Variants in RSPRY1 observed in about 807,000 individuals in gnomAD.
RSPRY1 encodes RING finger and SPRY domain-containing protein 1.
RSPRY1 carries 23 observed loss-of-function variants against 73.1 expected under a neutral mutation model. The observed-to-expected ratio is 0.31, with a 90% CI of 0.23 to 0.45. The LOEUF (loss-of-function observed/expected upper bound fraction) is 0.45, where lower values mean the gene tolerates loss of function less well. Ranked by LOEUF, RSPRY1 falls within the 20% of genes least tolerant of loss-of-function variation. RSPRY1 has a pLI of 1.00. For synonymous variants in RSPRY1, 226 were observed against 251.4 expected, an observed-to-expected ratio of 0.90 and a Z score of 0.95; for missense variants, 448 against 698.7, an observed-to-expected ratio of 0.64 and a Z score of 4.05.
intron 13 of RSPRY1, among the ~76,000 whole-genome samples, chr16:57,231,735 T>A (rs1384319551): frequency 6.6e-6 from 1 of 151,738 alleles, no homozygotes; most frequent in Non-Finnish European, 1.5e-5. Flanking sequence ...GTCAAAATCC[T>A]AAATATTAGG....
intron 1 of RSPRY1, among the ~76,000 whole-genome samples, chr16:57,204,037 ATTATT>A (rs1313650331): frequency 2.4e-4 from 37 of 152,336 alleles, no homozygotes; most frequent in Admixed American, 2.0e-3. Flanking sequence ...AACGTCTGTA[ATTATT>A]TTATTTAAAA....
rs1001189925 is a variant in RSPRY1, at chr16:57,204,511, A to T, written c.-148A>T. On this transcript the variant is annotated 5_prime_UTR_variant, in exon 2 of 15. Transcript: ENST00000394420. Reference sequence around the variant, plus strand: ...TTTCTCATTTTCTTTTAGAACTGCCATTGGATGTCCAGAATCCCCTGTAGT... The same window carrying T: ...TTTCTCATTTTCTTTTAGAACTGCCTTTGGATGTCCAGAATCCCCTGTAGT... 4 of 696,076 alleles carry T rather than the reference A, an allele frequency of 5.7e-6. No individual in the cohort carries two copies. Among genetic ancestry groups the T allele is most frequent in the Non-Finnish European group, 9.9e-6 (4 of 405,262 alleles). 43.1% of individuals were successfully genotyped at this position (696,076 alleles called of 1,614,324 possible).
At chr16:57,216,547 A>G (rs547838706) in intron 7 of RSPRY1, 9 of 322,894 alleles carry the variant, frequency 2.8e-5, no homozygotes, top group Admixed American at 9.0e-5. Context: ...GCAAGACTCA[A>G]TCTCTACAAA....
intron 11 of RSPRY1, among the ~76,000 whole-genome samples, 183 bp downstream of exon 11, chr16:57,227,636 G>T (rs1318516130): frequency 6.6e-6 from 1 of 152,226 alleles, no homozygotes; most frequent in African/African-American, 2.4e-5. Flanking sequence ...CTCTGGTGGA[G>T]TTCTTCCTGT....
intron 1 of RSPRY1, among the ~76,000 whole-genome samples, chr16:57,190,778 G>A (rs1447344077): frequency 2.0e-5 from 3 of 152,208 alleles, no homozygotes; most frequent in Admixed American, 6.5e-5. Context: ...CAACCTTTGT[G>A]AGTAGAGAAA....
At chr16:57,218,799 G>A (rs1248352260) in intron 8 of RSPRY1, among the ~76,000 whole-genome samples, 2 of 95,632 alleles carry the variant, frequency 2.1e-5, no homozygotes, top group Non-Finnish European at 3.7e-5. Context: ...GCAGTGGCGG[G>A]ATCTCGGCTC....
At chr16:57,208,817 T>A (rs1169261983) in intron 3 of RSPRY1, among the ~76,000 whole-genome samples, 1 of 152,210 alleles carries the variant, frequency 6.6e-6, no homozygotes, top group Non-Finnish European at 1.5e-5. Flanking sequence ...TTAAAACTAT[T>A]TTAATGTGAG....
intron 1 of RSPRY1, among the ~76,000 whole-genome samples, chr16:57,199,913 C>CTTTTT (rs1315067392): frequency 2.8e-5 from 2 of 72,180 alleles, no homozygotes; most frequent in Admixed American, 1.5e-4. Flanking sequence ...TTTTCTTTTT[C>CTTTTT]TTTTTTTTTT....
intron 1 of RSPRY1, among the ~76,000 whole-genome samples, chr16:57,200,571 G>A (rs571914194): frequency 5.3e-5 from 8 of 150,658 alleles, no homozygotes; most frequent in African/African-American, 1.9e-4. Flanking sequence ...GGGGCGGCTG[G>A]CCGGGCAGAG....
At chr16:57,214,898 A>G (rs1363803662) in intron 6 of RSPRY1, among the ~76,000 whole-genome samples, 2 of 152,156 alleles carry the variant, frequency 1.3e-5, no homozygotes, top group Non-Finnish European at 2.9e-5. Flanking sequence ...GCATGGTGGC[A>G]TGTGTGTGTA....
intron 1 of RSPRY1, among the ~76,000 whole-genome samples, chr16:57,197,285 A>G (rs2074466565): frequency 6.6e-6 from 1 of 152,222 alleles, no homozygotes; most frequent in African/African-American, 2.4e-5. Context: ...AGTGCCAGAT[A>G]AATCTGAAAG....
intron 2 of RSPRY1, among the ~76,000 whole-genome samples, chr16:57,205,538 G>A (rs1373822186): frequency 6.6e-6 from 1 of 152,152 alleles, no homozygotes; most frequent in African/African-American, 2.4e-5. Flanking sequence ...ATACTGCAAG[G>A]CACACCTGTA....
chr16:57,194,096 A>G (rs17373185), intron 1 of RSPRY1, among the ~76,000 whole-genome samples: 3,325 of 152,324 alleles, frequency 0.022, 51 homozygotes, highest in Admixed American at 0.034. Flanking sequence ...ATTTCAGTGT[A>G]TGTAAATTCG....
chr16:57,213,750 C>T, intron 5 of RSPRY1, 138 bp from the exon 6 acceptor site: 1 of 697,712 alleles, frequency 1.4e-6, no homozygotes, highest in Non-Finnish European at 2.5e-6. Flanking sequence ...GGAGCTAGTA[C>T]TATTTTCTAC....
intron 1 of RSPRY1, among the ~76,000 whole-genome samples, chr16:57,194,061 GT>G (rs1382754873): frequency 6.7e-6 from 1 of 149,608 alleles, no homozygotes; most frequent in African/African-American, 2.5e-5. Context: ...ATGAGATTCC[GT>G]TTAAAAAAAA....
intron 1 of RSPRY1, among the ~76,000 whole-genome samples, chr16:57,194,860 T>C (rs971649310): frequency 1.3e-5 from 2 of 152,170 alleles, no homozygotes; most frequent in Non-Finnish European, 2.9e-5. Context: ...TGGCCAGATG[T>C]CTCCATGGTG....
intron 8 of RSPRY1, chr16:57,220,516 A>G (rs551146503): frequency 3.2e-6 from 1 of 308,582 alleles, no homozygotes; most frequent in Non-Finnish European, 6.1e-6. Flanking sequence ...AACTTTACTG[A>G]ATTTGCTTTT....
intron 10 of RSPRY1, among the ~76,000 whole-genome samples, chr16:57,222,898 C>T (rs1246875277): frequency 6.6e-6 from 1 of 152,074 alleles, no homozygotes; most frequent in African/African-American, 2.4e-5. Flanking sequence ...TTTTTAATGA[C>T]CAGTGAAGCT....
chr16:57,188,960 C>T (rs1170829263), intron 1 of RSPRY1, among the ~76,000 whole-genome samples: 2 of 141,386 alleles, frequency 1.4e-5, no homozygotes, highest in Non-Finnish European at 3.1e-5. Flanking sequence ...TAATGTCTTT[C>T]TATGTTATGC....
Sources: allele counts gnomAD v4.1 joint callset (sites outside exome capture counted in the v4.1 genomes callset), GRCh38; gene constraint gnomAD v4.1.1; transcripts MANE v1.5; gene names NCBI Gene and HGNC (gene_info 2026-07-23, HGNC 2026-07-21).